Variants in PAPPA2 observed in about 807,000 individuals in gnomAD.
The protein encoded by PAPPA2 is pappalysin-2.
Under a neutral mutation model 176.4 loss-of-function variants are expected in PAPPA2, and 86 were observed. The ratio of observed to expected loss-of-function variants is 0.49; its 90% confidence interval spans 0.41 to 0.58. PAPPA2 has a LOEUF of 0.58. PAPPA2 is among the 20% of genes least tolerant of loss of function. The probability of loss-of-function intolerance (pLI) is 0.00; values close to 1 mark genes in which losing one functional copy is unlikely to be tolerated. For missense variants in PAPPA2, 2,073 were observed against 2,256.9 expected (o/e 0.92, Z 1.65); for synonymous variants, 809 against 852.2 (o/e 0.95, Z 0.88).
intron 2 of PAPPA2, among the ~76,000 whole-genome samples, chr1:176,579,270 G>T (rs1203173622): frequency 6.6e-6 from 1 of 152,178 alleles, no homozygotes; most frequent in African/African-American, 2.4e-5. Flanking sequence ...ACCAAATGGG[G>T]AACAGGAAAA....
chr1:176,643,663 G>C (rs572100858), intron 3 of PAPPA2, among the ~76,000 whole-genome samples: 1 of 151,768 alleles, frequency 6.6e-6, no homozygotes, highest in Non-Finnish European at 1.5e-5. Flanking sequence ...AGATTTCCTG[G>C]GGAAAGGGAA....
chr1:176,840,717 C>T (rs1056159432), intron 22 of PAPPA2, among the ~76,000 whole-genome samples: 1 of 152,162 alleles, frequency 6.6e-6, no homozygotes, highest in Non-Finnish European at 1.5e-5. Flanking sequence ...GCCACCTGAG[C>T]ACTCTCTGGA....
intron 3 of PAPPA2, among the ~76,000 whole-genome samples, chr1:176,657,116 G>T (rs1213271140): frequency 6.7e-6 from 1 of 150,258 alleles, no homozygotes; most frequent in Non-Finnish European, 1.5e-5. Context: ...AGGCACTCTG[G>T]CAGTGAAAGT....
At chr1:176,812,915 A>C (rs990120647) in intron 21 of PAPPA2, among the ~76,000 whole-genome samples, 1 of 152,078 alleles carries the variant, frequency 6.6e-6, no homozygotes, top group South Asian at 2.1e-4. Context: ...TCCATAAGCT[A>C]TTCTTCCTAA....
At chr1:176,773,332 C>A (rs976867914) in intron 17 of PAPPA2, among the ~76,000 whole-genome samples, 2 of 152,178 alleles carry the variant, frequency 1.3e-5, no homozygotes, top group Non-Finnish European at 2.9e-5. Flanking sequence ...ACTCAGTGAA[C>A]TATGTCAGCC....
In PAPPA2 at chr1:176,729,822, C is replaced by T. The variant is rs563310310; in HGVS notation, c.3799-9804C>T. Among the ~76,000 whole-genome samples, 4 of 152,078 alleles carry T rather than the reference C, an allele frequency of 2.6e-5. No homozygotes were observed. The South Asian group carries it at 8.3e-4, about 32-fold the overall frequency. The stretch of plus-strand genomic sequence containing the variant: ...TTTAGATTTGAAATTTTAGAACAAG[C>T]CTTAAGTCATTTTTTCTGCCTCTTG... On this transcript the variant is annotated intron_variant, in intron 12 of 22. Coordinates refer to ENST00000367662, the MANE Select transcript of PAPPA2 (RefSeq NM_020318.3).
chr1:176,752,382 G>A, intron 14 of PAPPA2, among the ~76,000 whole-genome samples: 1 of 147,170 alleles, frequency 6.8e-6, no homozygotes, highest in South Asian at 2.2e-4. Context: ...CCATTAGGCT[G>A]TTATTATGTA....
intron 1 of PAPPA2, among the ~76,000 whole-genome samples, chr1:176,480,083 C>A (rs568257079): frequency 6.6e-6 from 1 of 152,284 alleles, no homozygotes; most frequent in East Asian, 1.9e-4. Context: ...TGGTGCTCAC[C>A]AGCTGCTGCT....
intron 17 of PAPPA2, among the ~76,000 whole-genome samples, chr1:176,782,776 G>A (rs973853192): frequency 6.6e-5 from 10 of 152,188 alleles, no homozygotes; most frequent in African/African-American, 2.4e-4. Flanking sequence ...ATTCTACACA[G>A]GGAAATTTAT....
chr1:176,746,023 C>A (rs1160441127), intron 14 of PAPPA2, among the ~76,000 whole-genome samples: 1 of 152,160 alleles, frequency 6.6e-6, no homozygotes, highest in Non-Finnish European at 1.5e-5. Context: ...AGCTAAGATG[C>A]TGATAAGACT....
At chr1:176,604,120 A>T (rs1654480528) in intron 3 of PAPPA2, among the ~76,000 whole-genome samples, 1 of 152,134 alleles carries the variant, frequency 6.6e-6, no homozygotes, top group South Asian at 2.1e-4. Flanking sequence ...CCAGATTTCT[A>T]CACAGCTAAC....
At chr1:176,672,848 A>G (rs779739577) in intron 4 of PAPPA2, among the ~76,000 whole-genome samples, 3 of 152,126 alleles carry the variant, frequency 2.0e-5, no homozygotes, top group African/African-American at 7.2e-5. Flanking sequence ...ACTAAACTGT[A>G]TTTTTAGTTC....
At chr1:176,518,085 T>G (rs574418043) in intron 1 of PAPPA2, among the ~76,000 whole-genome samples, 3 of 152,224 alleles carry the variant, frequency 2.0e-5, no homozygotes, top group Admixed American at 2.0e-4. Flanking sequence ...GGTGGGAGGA[T>G]TGGTAGGGAA....
chr1:176,763,406 G>C (rs1663787281), intron 14 of PAPPA2, among the ~76,000 whole-genome samples: 1 of 152,146 alleles, frequency 6.6e-6, no homozygotes. Context: ...ATTAATGAAT[G>C]GTGGAGCAAG....
intron 1 of PAPPA2, among the ~76,000 whole-genome samples, chr1:176,477,960 A>G (rs1652218055): frequency 6.6e-6 from 1 of 152,198 alleles, no homozygotes; most frequent in South Asian, 2.1e-4. Context: ...CCAAGTTAAC[A>G]GCTGGGTTAT....
chr1:176,516,461 C>T (rs1377034136), intron 1 of PAPPA2, among the ~76,000 whole-genome samples: 2 of 152,042 alleles, frequency 1.3e-5, no homozygotes, highest in Admixed American at 1.3e-4. Context: ...AATGTTTGTG[C>T]CCCTCCAAAA....
rs370201592 is a variant in PAPPA2, at chr1:176,642,943, T to G, written c.1992-28027T>G. On this transcript the variant is annotated intron_variant, in intron 3 of 22. Transcript: ENST00000367662. ...TGTAGAAATTCAGTCACAAAATAGT[T>G]AAGAGACTGTGTTCACCTATTGGTC... Among the ~76,000 whole-genome samples, 42 of 152,022 alleles carry G rather than the reference T, an allele frequency of 2.8e-4. No homozygotes were observed. In the East Asian group the frequency reaches 8.2e-3, roughly 30 times the overall value.
At chr1:176,529,540 A>G (rs1649689256) in intron 1 of PAPPA2, among the ~76,000 whole-genome samples, 1 of 151,988 alleles carries the variant, frequency 6.6e-6, no homozygotes, top group South Asian at 2.1e-4. Flanking sequence ...TGCTGGGGCA[A>G]GGGGAGGAGG....
intron 6 of PAPPA2, 62 bp downstream of exon 6, chr1:176,692,380 A>AG: frequency 6.8e-7 from 1 of 1,461,532 alleles, no homozygotes; most frequent in Non-Finnish European, 9.4e-7. Context: ...CATATGAATG[A>AG]GGGGAAGAAT....
Sources: allele counts gnomAD v4.1 joint callset (sites outside exome capture counted in the v4.1 genomes callset), GRCh38; gene constraint gnomAD v4.1.1; transcripts MANE v1.5; gene names NCBI Gene and HGNC (gene_info 2026-07-23, HGNC 2026-07-21).